AGBL4: variants seen among roughly 807,000 people sequenced by gnomAD.
AGBL4 encodes AGBL carboxypeptidase 4.
A neutral mutation model predicts 66.4 loss-of-function variants in AGBL4; 58 were observed. The observed-to-expected ratio is 0.87, with a 90% CI of 0.71 to 1.09. The LOEUF (loss-of-function observed/expected upper bound fraction) is 1.09. Ranked by LOEUF, AGBL4 falls within the 50% of genes least tolerant of loss-of-function variation. AGBL4 has a pLI of 0.00. For missense variants in AGBL4, 579 were observed against 631.0 expected (o/e 0.92, Z 0.88); for synonymous variants, 234 against 222.9 (o/e 1.05, Z -0.44).
intron 4 of AGBL4, among the ~76,000 whole-genome samples, chr1:49,211,928 T>C (rs1158195481): frequency 1.3e-5 from 2 of 152,136 alleles, no homozygotes; most frequent in Non-Finnish European, 2.9e-5. Flanking sequence ...ACGACTATTG[T>C]GTCAGGCCAT....
intron 1 of AGBL4, among the ~76,000 whole-genome samples, chr1:49,941,219 A>G (rs1654727473): frequency 6.6e-6 from 1 of 152,174 alleles, no homozygotes; most frequent in Non-Finnish European, 1.5e-5. Context: ...AAAAGTATAG[A>G]ACCAGATTAC....
At chr1:48,816,673 TTTTG>T (rs558212945) in intron 6 of AGBL4, among the ~76,000 whole-genome samples, 1 of 152,192 alleles carries the variant, frequency 6.6e-6, no homozygotes, top group Non-Finnish European at 1.5e-5. Flanking sequence ...CCCTCTGAAC[TTTTG>T]TAAGAATCTT....
chr1:49,773,039 T>C (rs907623170), intron 2 of AGBL4, among the ~76,000 whole-genome samples: 11 of 152,212 alleles, frequency 7.2e-5, no homozygotes, highest in South Asian at 2.1e-4. Flanking sequence ...TTTTTAATCA[T>C]TCTTTTTTAT....
intron 6 of AGBL4, among the ~76,000 whole-genome samples, chr1:48,680,179 T>A (rs948197423): frequency 1.3e-5 from 2 of 152,234 alleles, no homozygotes; most frequent in East Asian, 3.8e-4. Flanking sequence ...AGATTCAGAC[T>A]GGGAAGATGA....
At chr1:49,019,650 C>T (rs554183545) in intron 5 of AGBL4, among the ~76,000 whole-genome samples, 1 of 152,304 alleles carries the variant, frequency 6.6e-6, no homozygotes, top group East Asian at 1.9e-4. Flanking sequence ...ATAACAAAAA[C>T]AAACACTTTG....
In AGBL4 at chr1:48,841,551, C is replaced by A. The variant is rs547714221; in HGVS notation, c.634+25640G>T. ...CTGAACTTTCAAAGAGGAAACAGCT[C>A]CCCGCCCTCCAACCCCCCACCTTAT... is the stretch of plus-strand genomic sequence containing the variant. On this transcript the variant is annotated intron_variant, in intron 6 of 13. Transcript: ENST00000371839. 5.3e-5 allele frequency among the ~76,000 whole-genome samples: 8 copies of A among 152,008 alleles called. No homozygotes were observed. In the East Asian group the frequency reaches 1.6e-3, roughly 29 times the overall value.
At chr1:49,467,127 C>A (rs923364178) in intron 3 of AGBL4, among the ~76,000 whole-genome samples, 4 of 151,670 alleles carry the variant, frequency 2.6e-5, no homozygotes, top group Non-Finnish European at 5.9e-5. Flanking sequence ...GGCAGCCAAA[C>A]GTAAAAGTCA....
intron 3 of AGBL4, among the ~76,000 whole-genome samples, chr1:49,498,074 G>A (rs1374510691): frequency 2.0e-5 from 3 of 151,744 alleles, no homozygotes; most frequent in Non-Finnish European, 4.4e-5. Flanking sequence ...TCAGTGTACA[G>A]GCCTTTCATT....
chr1:49,383,808 T>C (rs1042329043), intron 3 of AGBL4, among the ~76,000 whole-genome samples: 1 of 150,440 alleles, frequency 6.6e-6, no homozygotes, highest in Non-Finnish European at 1.5e-5. Context: ...TATATATTTT[T>C]TTTTTTTGAG....
chr1:49,292,747 G>A (rs771594264), intron 3 of AGBL4, among the ~76,000 whole-genome samples: 4 of 151,868 alleles, frequency 2.6e-5, no homozygotes, highest in Admixed American at 6.6e-5. Flanking sequence ...TCTGCTGAGA[G>A]CTGAACACTC....
downstream of AGBL4, among the ~76,000 whole-genome samples, chr1:48,531,926 G>A (rs1210761469): frequency 6.6e-6 from 1 of 152,058 alleles, no homozygotes; most frequent in African/African-American, 2.4e-5. Context: ...TGGGATTACA[G>A]GTGCGTGCCA....
intron 3 of AGBL4, among the ~76,000 whole-genome samples, chr1:49,326,070 T>C (rs1000001254): frequency 4.6e-5 from 7 of 152,194 alleles, no homozygotes; most frequent in African/African-American, 1.2e-4. Context: ...TTATAGTAGT[T>C]TGATAACGGA....
chr1:49,774,436 A>G (rs554780655), intron 2 of AGBL4, among the ~76,000 whole-genome samples: 11 of 152,040 alleles, frequency 7.2e-5, no homozygotes, highest in African/African-American at 2.7e-4. Flanking sequence ...TACTCTGTCC[A>G]CCCTGTTGAA....
rs552950584 is a variant in AGBL4, at chr1:48,641,916, A to T, written c.840-7312T>A. Reference sequence around the variant, plus strand: ...GTAGATGCAATATCTTTATTTTTTTAAATGGGGAATCTAAGTTTCAAATGA... The same window carrying T: ...GTAGATGCAATATCTTTATTTTTTTTAATGGGGAATCTAAGTTTCAAATGA... On this transcript the variant is annotated intron_variant, in intron 8 of 13. Coordinates refer to ENST00000371839, the MANE Select transcript of AGBL4 (RefSeq NM_032785.4). Among the ~76,000 whole-genome samples the T allele has an allele frequency of 3.9e-5, 6 of 152,178 alleles. 1 individual carries two copies. The South Asian group carries it at 1.2e-3, about 32-fold the overall frequency.
intron 3 of AGBL4, among the ~76,000 whole-genome samples, chr1:49,603,978 A>G (rs867318524): frequency 7.8e-6 from 1 of 127,506 alleles, no homozygotes. Context: ...ACACACACAC[A>G]CACCACATTT....
At chr1:49,192,875 C>T (rs1244772333) in intron 4 of AGBL4, among the ~76,000 whole-genome samples, 4 of 152,136 alleles carry the variant, frequency 2.6e-5, no homozygotes, top group Non-Finnish European at 5.9e-5. Flanking sequence ...ACTCACTGCT[C>T]TTTTTATTAC....
chr1:48,546,362 T>A (rs1356382782), intron 11 of AGBL4, among the ~76,000 whole-genome samples: 1 of 152,168 alleles, frequency 6.6e-6, no homozygotes, highest in Non-Finnish European at 1.5e-5. Flanking sequence ...TCTGTGGATG[T>A]GTGGAAGGAG....
At chr1:49,458,825 T>C (rs1646446856) in intron 3 of AGBL4, among the ~76,000 whole-genome samples, 1 of 151,788 alleles carries the variant, frequency 6.6e-6, no homozygotes, top group Admixed American at 6.6e-5. Flanking sequence ...GATCAGGTGA[T>C]TTTTGTTTTT....
chr1:49,853,169 A>C (rs1646347894), intron 1 of AGBL4, among the ~76,000 whole-genome samples: 1 of 152,188 alleles, frequency 6.6e-6, no homozygotes, highest in South Asian at 2.1e-4. Flanking sequence ...CAGACACAGA[A>C]ATGACCAGAT....
Sources: allele counts gnomAD v4.1 joint callset (sites outside exome capture counted in the v4.1 genomes callset), GRCh38; gene constraint gnomAD v4.1.1; transcripts MANE v1.5; gene names NCBI Gene and HGNC (gene_info 2026-07-23, HGNC 2026-07-21).